The following PPP2R5A variants were observed in gnomAD, a reference collection of about 807,000 sequenced individuals.
The protein encoded by PPP2R5A is serine/threonine-protein phosphatase 2A 56 kDa regulatory subunit alpha isoform.
In PPP2R5A, 25 loss-of-function variants were observed where a neutral mutation model predicts 64.2. The observed-to-expected ratio is 0.39, with a 90% CI of 0.28 to 0.54. The LOEUF is 0.54. Ranked by LOEUF, PPP2R5A falls within the 20% of genes least tolerant of loss-of-function variation. The probability of loss-of-function intolerance (pLI) is 0.67; values close to 1 mark genes in which losing one functional copy is unlikely to be tolerated. For synonymous variants in PPP2R5A, 198 were observed against 201.2 expected (o/e 0.98, Z 0.13); for missense variants, 425 against 576.3 (o/e 0.74, Z 2.69).
intron 1 of PPP2R5A, among the ~76,000 whole-genome samples, chr1:212,311,537 G>T (rs895231969): frequency 3.3e-5 from 5 of 151,776 alleles, no homozygotes; most frequent in African/African-American, 9.7e-5. Flanking sequence ...AATGTTACTG[G>T]CTTATGTATT....
chr1:212,356,785 G>A, intron 9 of PPP2R5A, 109 bp downstream of exon 9: 2 of 1,342,312 alleles, frequency 1.5e-6, no homozygotes, highest in Admixed American at 2.4e-5. Flanking sequence ...AAGAGCGGGA[G>A]ATGTACACAG....
At chr1:212,321,625 C>T (rs1339335853) in intron 1 of PPP2R5A, among the ~76,000 whole-genome samples, 13 of 143,548 alleles carry the variant, frequency 9.1e-5, no homozygotes, top group Admixed American at 5.4e-4. Flanking sequence ...ACATCTCAGA[C>T]GATGGGCGGC....
intron 11 of PPP2R5A, among the ~76,000 whole-genome samples, chr1:212,357,640 A>G (rs1467280859): frequency 1.3e-5 from 1 of 75,702 alleles, no homozygotes; most frequent in Non-Finnish European, 3.7e-5. Flanking sequence ...CATCTCTACT[A>G]AAACTACAAA....
At chr1:212,290,657 C>T (rs1484913691) in intron 1 of PPP2R5A, among the ~76,000 whole-genome samples, 2 of 152,208 alleles carry the variant, frequency 1.3e-5, no homozygotes, top group Non-Finnish European at 2.9e-5. Flanking sequence ...AGGATCATCT[C>T]TTCCTCCTCT....
chr1:212,322,071 G>A (rs1009334693), intron 1 of PPP2R5A, among the ~76,000 whole-genome samples: 1 of 151,276 alleles, frequency 6.6e-6, no homozygotes, highest in East Asian at 1.9e-4. Context: ...GCCTGCAATC[G>A]CAGGCACTCG....
At chr1:212,307,461 A>T (rs1019735874) in intron 1 of PPP2R5A, among the ~76,000 whole-genome samples, 1 of 152,020 alleles carries the variant, frequency 6.6e-6, no homozygotes, top group Non-Finnish European at 1.5e-5. Flanking sequence ...ATATTGTTAT[A>T]ATTATTACTT....
chr1:212,321,860 G>C (rs1431077580), intron 1 of PPP2R5A, among the ~76,000 whole-genome samples: 1 of 150,340 alleles, frequency 6.7e-6, no homozygotes, highest in Non-Finnish European at 1.5e-5. Flanking sequence ...AGGTTGTAGC[G>C]AGCCGAGATC....
At chr1:212,351,492 T>A (rs930013006) in intron 8 of PPP2R5A, among the ~76,000 whole-genome samples, 19 of 152,152 alleles carry the variant, frequency 1.2e-4, no homozygotes, top group African/African-American at 4.6e-4. Flanking sequence ...GGCAGGCAGA[T>A]CACCTGAGAT....
At chr1:212,317,680 C>T (rs1207002592) in intron 1 of PPP2R5A, among the ~76,000 whole-genome samples, 2 of 151,996 alleles carry the variant, frequency 1.3e-5, no homozygotes, top group African/African-American at 2.4e-5. Context: ...TATACTAGAG[C>T]AGTATTTCTT....
intron 1 of PPP2R5A, among the ~76,000 whole-genome samples, chr1:212,300,403 A>C (rs184803839): frequency 4.6e-5 from 7 of 152,106 alleles, no homozygotes; most frequent in African/African-American, 1.5e-4. Flanking sequence ...TCATTTAAAG[A>C]ATATGTAATG....
At chr1:212,336,813 G>C (rs1659600448) in intron 3 of PPP2R5A, among the ~76,000 whole-genome samples, 1 of 152,112 alleles carries the variant, frequency 6.6e-6, no homozygotes, top group South Asian at 2.1e-4. Flanking sequence ...AACCCACCTG[G>C]AATTCTTTTG....
intron 1 of PPP2R5A, among the ~76,000 whole-genome samples, chr1:212,325,801 C>T (rs1659398724): frequency 6.6e-6 from 1 of 152,012 alleles, no homozygotes; most frequent in South Asian, 2.1e-4. Context: ...ATTCTTATAG[C>T]CCACATAGTC....
At chr1:212,292,917 CAG>C (rs1017625429) in intron 1 of PPP2R5A, among the ~76,000 whole-genome samples, 11 of 152,088 alleles carry the variant, frequency 7.2e-5, no homozygotes, top group Non-Finnish European at 7.4e-5. Context: ...TTATTTAAAA[CAG>C]GGGAATCCAA....
At chr1:212,303,478 G>A (rs964532618) in intron 1 of PPP2R5A, among the ~76,000 whole-genome samples, 1 of 151,528 alleles carries the variant, frequency 6.6e-6, no homozygotes, top group Non-Finnish European at 1.5e-5. Flanking sequence ...ATATGTCCTT[G>A]ATATAAGCCC....
Position 212,285,844 on chromosome 1 carries a change from C to G in PPP2R5A, c.-267C>G, listed in dbSNP as rs1418057060. The G allele has an allele frequency of 5.6e-6, 2 of 360,090 alleles. No homozygotes were observed. Among genetic ancestry groups the G allele is most frequent in the Non-Finnish European group, 4.9e-6 (1 of 202,152 alleles). 22.3% of individuals were successfully genotyped at this position (360,090 alleles called of 1,614,324 possible). ...GCGCCCAGAGTCAACAACTTCTTCA[C>G]CCCCCTCCGCCCCCGCCCTTCCCTC... is the stretch of plus-strand genomic sequence containing the variant. On this transcript the variant is annotated 5_prime_UTR_variant, in exon 1 of 13. Transcript: ENST00000261461.
intron 4 of PPP2R5A, among the ~76,000 whole-genome samples, chr1:212,343,072 C>G (rs982383603): frequency 6.6e-6 from 1 of 152,000 alleles, no homozygotes; most frequent in African/African-American, 2.4e-5. Flanking sequence ...CTCAGCCTCC[C>G]AAGTAGCTGG....
chr1:212,319,228 G>T (rs1659215310), intron 1 of PPP2R5A: 1 of 152,188 alleles, frequency 6.6e-6, no homozygotes, highest in Admixed American at 6.5e-5. Flanking sequence ...GATCCAAAAG[G>T]TACCTTGTCA....
At chr1:212,328,499 A>C (rs1236548466) in intron 1 of PPP2R5A, among the ~76,000 whole-genome samples, 2 of 152,166 alleles carry the variant, frequency 1.3e-5, no homozygotes, top group African/African-American at 4.8e-5. Flanking sequence ...GGGTTGAGAG[A>C]TGACTCTTGA....
At chr1:212,322,755 T>TTTTATTTATTTA (rs59766947) in intron 1 of PPP2R5A, among the ~76,000 whole-genome samples, 2,940 of 147,068 alleles carry the variant, frequency 0.02, 39 homozygotes, top group East Asian at 0.038. Flanking sequence ...TTAATTCTCA[T>TTTTATTTATTTA]TTTATTTATT....
Sources: allele counts gnomAD v4.1 joint callset (sites outside exome capture counted in the v4.1 genomes callset), GRCh38; gene constraint gnomAD v4.1.1; transcripts MANE v1.5; gene names NCBI Gene and HGNC (gene_info 2026-07-23, HGNC 2026-07-21).